The following FBXO34 variants were observed in gnomAD, a reference collection of about 807,000 sequenced individuals.
FBXO34 encodes F-box only protein 34.
Under a neutral mutation model 24.5 loss-of-function variants are expected in FBXO34, and 12 were observed. That is an observed-to-expected ratio of 0.49 (90% CI 0.31 to 0.79). FBXO34 has a LOEUF of 0.79. Ranked by LOEUF, FBXO34 falls within the 30% of genes least tolerant of loss-of-function variation. The probability of loss-of-function intolerance (pLI) is 0.04; values close to 1 mark genes in which losing one functional copy is unlikely to be tolerated. For synonymous variants in FBXO34, 320 were observed against 311.9 expected (o/e 1.03, Z -0.27); for missense variants, 823 against 857.7 (o/e 0.96, Z 0.51).
the FBXO34 span, chr14:55,435,798 TA>T: frequency 7.8e-7 from 1 of 1,290,156 alleles, no homozygotes; most frequent in African/African-American, 1.6e-5. Flanking sequence ...TTAAGAAAAG[TA>T]AATCTAAAGA....
the FBXO34 span, chr14:55,377,850 G>T: frequency 6.2e-7 from 1 of 1,601,226 alleles, no homozygotes; most frequent in Non-Finnish European, 8.5e-7. Flanking sequence ...GGACTGACCA[G>T]GTACATTAGA....
At chr14:55,378,121 T>A in the FBXO34 span, 2 of 1,533,184 alleles carry the variant, frequency 1.3e-6, no homozygotes, top group African/African-American at 1.4e-5. Context: ...TTTGAGGAAA[T>A]TCTATGTTAA....
chr14:55,281,809 A>G (rs1881553081), intron 1 of FBXO34, among the ~76,000 whole-genome samples: 1 of 152,084 alleles, frequency 6.6e-6, no homozygotes, highest in Admixed American at 6.6e-5. Context: ...TTCACGTGTA[A>G]TGAGCCTTAT....
chr14:55,411,921 G>C, the FBXO34 span: 6 of 1,156,012 alleles, frequency 5.2e-6, no homozygotes, highest in Non-Finnish European at 7.2e-6. Flanking sequence ...CTGGGATGCC[G>C]GCGAGCCCCC....
chr14:55,275,140 GTTGT>G (rs1211827876), intron 1 of FBXO34, among the ~76,000 whole-genome samples: 3 of 152,192 alleles, frequency 2.0e-5, no homozygotes, highest in Admixed American at 6.5e-5. Context: ...ATACAGTGTA[GTTGT>G]TTGTTAGTGT....
At chr14:55,401,213 GCTA>G in the FBXO34 span, among the ~76,000 whole-genome samples, 1 of 151,160 alleles carries the variant, frequency 6.6e-6, no homozygotes, top group Middle Eastern at 3.5e-3. Flanking sequence ...TATTTTACTG[GCTA>G]CTGATTTTTC....
chr14:55,322,472 G>T (rs1284328153), intron 1 of FBXO34, among the ~76,000 whole-genome samples: 1 of 152,112 alleles, frequency 6.6e-6, no homozygotes, highest in Non-Finnish European at 1.5e-5. Context: ...TTCAGTAACT[G>T]ATTTAATGTC....
chr14:55,291,201 C>G (rs552596143), intron 1 of FBXO34, among the ~76,000 whole-genome samples: 1 of 152,234 alleles, frequency 6.6e-6, no homozygotes, highest in East Asian at 1.9e-4. Context: ...TTGGACAATA[C>G]ACTTGTTTTC....
the FBXO34 span, among the ~76,000 whole-genome samples, chr14:55,378,825 T>C: frequency 0.56 from 84,773 of 151,928 alleles, 26,660 homozygotes; most frequent in African/African-American, 0.87. Flanking sequence ...CCCACCTCAC[T>C]CTCCCAAGTA....
At chr14:55,398,230 T>C in the FBXO34 span, among the ~76,000 whole-genome samples, 2 of 152,152 alleles carry the variant, frequency 1.3e-5, no homozygotes, top group African/African-American at 4.8e-5. Flanking sequence ...GGCTTACAGG[T>C]GTGAGCCACC....
At chr14:55,373,013 A>G (rs199732486), downstream of FBXO34, among the ~76,000 whole-genome samples, 12 of 99,594 alleles carry the variant, frequency 1.2e-4, no homozygotes, top group Admixed American at 9.2e-4. Context: ...GCAGGAGGAG[A>G]GGCCCCTGCG....
At chr14:55,313,890 A>T (rs575398191) in intron 1 of FBXO34, among the ~76,000 whole-genome samples, 1 of 152,126 alleles carries the variant, frequency 6.6e-6, no homozygotes, top group Non-Finnish European at 1.5e-5. Flanking sequence ...AAGCCTAACC[A>T]TATCACATAT....
the FBXO34 span, among the ~76,000 whole-genome samples, chr14:55,375,490 ATTTTTTTTTTT>A: frequency 6.8e-5 from 8 of 117,806 alleles, no homozygotes; most frequent in African/African-American, 2.7e-4. Context: ...GCCGGGCTAA[ATTTTTTTTTTT>A]TTTTTTTTTT....
the FBXO34 span, among the ~76,000 whole-genome samples, chr14:55,415,829 A>T: frequency 6.6e-6 from 1 of 152,174 alleles, no homozygotes; most frequent in Admixed American, 6.5e-5. Flanking sequence ...TCGCACCATT[A>T]CACTCCAGCC....
the FBXO34 span, among the ~76,000 whole-genome samples, chr14:55,412,642 A>C: frequency 6.6e-6 from 1 of 152,214 alleles, no homozygotes; most frequent in Non-Finnish European, 1.5e-5. Context: ...ACTACAGAGA[A>C]AAGTGAGTTT....
chr14:55,323,234 T>TTC (rs1319204253), intron 1 of FBXO34, among the ~76,000 whole-genome samples: 1 of 69,706 alleles, frequency 1.4e-5, no homozygotes. Flanking sequence ...TATTTTTTTT[T>TTC]TTTTTTTTTT....
chr14:55,384,648 G>A, the FBXO34 span, among the ~76,000 whole-genome samples: 1 of 152,194 alleles, frequency 6.6e-6, no homozygotes, highest in African/African-American at 2.4e-5. Context: ...AGTCTTTTTG[G>A]TTTTTAGGAA....
the FBXO34 span, chr14:55,411,720 C>T: frequency 6.2e-7 from 1 of 1,612,362 alleles, no homozygotes; most frequent in Non-Finnish European, 8.5e-7. Context: ...ACGTACAGCC[C>T]CTCCGCATCG....
chr14:55,298,549 A>G (rs116441243), intron 1 of FBXO34: 5 of 637,362 alleles, frequency 7.8e-6, no homozygotes, highest in African/African-American at 1.8e-5. Flanking sequence ...TCTTGTCCTC[A>G]TCTTTGAAAA....
Sources: allele counts gnomAD v4.1 joint callset (sites outside exome capture counted in the v4.1 genomes callset), GRCh38; gene constraint gnomAD v4.1.1; transcripts MANE v1.5; gene names NCBI Gene and HGNC (gene_info 2026-07-23, HGNC 2026-07-21).